The following REV1 variants were observed in gnomAD, a reference collection of about 807,000 sequenced individuals.
The protein encoded by REV1 is REV1 DNA directed polymerase, also known as translesion synthesis protein REV1.
REV1 carries 42 observed loss-of-function variants against 137.4 expected under a neutral mutation model. The observed-to-expected ratio is 0.31, with a 90% CI of 0.24 to 0.40. The LOEUF (loss-of-function observed/expected upper bound fraction) is 0.40. REV1 is among the 10% of genes least tolerant of loss of function. The probability of loss-of-function intolerance (pLI) is 1.00; values close to 1 mark genes in which losing one functional copy is unlikely to be tolerated. For synonymous variants in REV1, 524 were observed against 519.2 expected, an observed-to-expected ratio of 1.01 and a Z score of -0.12; for missense variants, 1,282 against 1,490.1, an observed-to-expected ratio of 0.86 and a Z score of 2.30.
chr2:99,434,423 G>A lies in REV1; in HGVS notation c.1347C>T (p.Asn449=). ...GTAAAGGTGCCCTTCCTGTGCCTCT[G>A]TTACTTGTAACAGCCACTGGTTTTC... is the stretch of plus-strand genomic sequence containing the variant. ...LKGKPVAVTS[N]RGTGRAPLRP... The change falls in exon 8 of 23, where the codon AAC becomes AAT. Residue 449 remains asparagine, a synonymous_variant. Coordinates refer to ENST00000258428, the MANE Select transcript of REV1 (RefSeq NM_016316.4). The A allele has an allele frequency of 6.2e-7, 1 of 1,601,598 alleles. No individual in the cohort carries two copies. The highest frequency in any genetic ancestry group is 8.5e-7 in the Non-Finnish European group (1 of 1,174,068).
intron 3 of REV1, among the ~76,000 whole-genome samples, chr2:99,452,789 G>C (rs1020491775): frequency 2.6e-5 from 4 of 152,168 alleles, no homozygotes; most frequent in African/African-American, 9.7e-5. Context: ...AGTACAAGTG[G>C]TATAAATACT....
Position 99,403,001 on chromosome 2 carries a change from T to C in REV1, c.3272A>G (p.Asn1091Ser). Residue 1091 changes from asparagine to serine, a missense_variant, in exon 20 of 23, where the codon AAT (asparagine) becomes AGT (serine). Physicochemically the swap from Asn to Ser is conservative, Grantham distance 46. This residue lies in a region of REV1 where 170 missense variants were observed against 156.8 expected (regional missense o/e 1.08). Transcript: ENST00000258428. ...GSPKRIQSPL[N>S]NKLLNSPAKT... ...TGCAGGACTGTTAAGCAGCTTGTTA[T>C]TCAAAGGACTCTGAATCCTTTTTGG... The C allele has an allele frequency of 6.2e-7, 1 of 1,614,174 alleles. No homozygotes were observed. The highest frequency in any genetic ancestry group is 8.5e-7 in the Non-Finnish European group (1 of 1,179,966).
At chr2:99,448,540 C>T (rs1420256076) in intron 4 of REV1, among the ~76,000 whole-genome samples, 1 of 152,184 alleles carries the variant, frequency 6.6e-6, no homozygotes. Context: ...TGCGACTGTA[C>T]TCCCTCCTTT....
intron 5 of REV1, 30 bp from the exon 6 acceptor site, chr2:99,439,340 A>G (rs755241916): frequency 1.3e-6 from 2 of 1,501,938 alleles, no homozygotes; most frequent in Admixed American, 1.8e-5. Flanking sequence ...TTGAGTTAAT[A>G]ATATCTGACT....
chr2:99,425,368 G>A (rs756263924), intron 9 of REV1, among the ~76,000 whole-genome samples: 8 of 152,116 alleles, frequency 5.3e-5, no homozygotes, highest in Non-Finnish European at 1.0e-4. Context: ...GTCCCTAGTA[G>A]ATAAGAAATA....
At chr2:99,459,625 G>C (rs1422027364) in intron 3 of REV1, among the ~76,000 whole-genome samples, 1 of 152,048 alleles carries the variant, frequency 6.6e-6, no homozygotes, top group Non-Finnish European at 1.5e-5. Flanking sequence ...AGGATGGCTT[G>C]AACCTGGGAT....
chr2:99,407,353 C>A (rs2104410587), intron 15 of REV1, among the ~76,000 whole-genome samples: 1 of 151,562 alleles, frequency 6.6e-6, no homozygotes, highest in South Asian at 2.1e-4. Flanking sequence ...GAGTTTGAAA[C>A]CAGCCTGGCC....
intron 22 of REV1, 82 bp from the exon 23 acceptor site, chr2:99,401,434 T>C: frequency 1.0e-6 from 1 of 954,976 alleles, no homozygotes; most frequent in South Asian, 1.8e-5. Context: ...ATATAAAAAT[T>C]GACTTTGGCA....
chr2:99,407,365 A>G (rs1676479588), intron 15 of REV1, among the ~76,000 whole-genome samples: 1 of 151,118 alleles, frequency 6.6e-6, no homozygotes, highest in Non-Finnish European at 1.5e-5. Context: ...AGCCTGGCCA[A>G]CATGGTGAAA....
chr2:99,435,364 T>C (rs1195132459), intron 7 of REV1: 1 of 152,452 alleles, frequency 6.6e-6, no homozygotes, highest in Non-Finnish European at 1.5e-5. Context: ...AGACAAAGAC[T>C]GTCCAGACGA....
At chr2:99,480,240 T>C (rs1686471853) in intron 1 of REV1, among the ~76,000 whole-genome samples, 1 of 152,120 alleles carries the variant, frequency 6.6e-6, no homozygotes, top group Non-Finnish European at 1.5e-5. Flanking sequence ...GGAGAACTGC[T>C]TGAGCCTGGG....
intron 14 of REV1, among the ~76,000 whole-genome samples, chr2:99,408,603 T>C (rs1204210642): frequency 6.6e-6 from 1 of 152,200 alleles, no homozygotes; most frequent in Non-Finnish European, 1.5e-5. Flanking sequence ...TCTCCTTTCA[T>C]TGTGTTTACA....
At chr2:99,450,186 T>C (rs1682760485) in intron 3 of REV1, among the ~76,000 whole-genome samples, 1 of 152,164 alleles carries the variant, frequency 6.6e-6, no homozygotes, top group Non-Finnish European at 1.5e-5. Context: ...TCAAATGATT[T>C]ATTCTTAATA....
intron 8 of REV1, among the ~76,000 whole-genome samples, chr2:99,432,521 A>G (rs1575082428): frequency 6.6e-6 from 1 of 152,216 alleles, no homozygotes; most frequent in East Asian, 1.9e-4. Flanking sequence ...CTTTATAATA[A>G]AGGATAATCT....
At chr2:99,413,644 C>T (rs747881478) in intron 12 of REV1, among the ~76,000 whole-genome samples, 1 of 152,094 alleles carries the variant, frequency 6.6e-6, no homozygotes, top group African/African-American at 2.4e-5. Flanking sequence ...CAAGATGTAA[C>T]GTTTGAGCCC....
chr2:99,414,069 C>T (rs1677532629), intron 12 of REV1, among the ~76,000 whole-genome samples: 1 of 152,134 alleles, frequency 6.6e-6, no homozygotes, highest in African/African-American at 2.4e-5. Context: ...TTGGAAAGAT[C>T]CCTTGAGCCC....
intron 1 of REV1, among the ~76,000 whole-genome samples, chr2:99,483,078 T>C (rs1356014287): frequency 6.6e-6 from 1 of 151,890 alleles, no homozygotes; most frequent in East Asian, 1.9e-4. Flanking sequence ...GAAGAAATTG[T>C]TAAAACATTT....
chr2:99,487,446 G>A (rs2104335325), intron 1 of REV1, among the ~76,000 whole-genome samples: 1 of 118,856 alleles, frequency 8.4e-6, no homozygotes. Flanking sequence ...CTCCAACCAA[G>A]AGATAATGGA....
Position 99,436,990 on chromosome 2 carries a change from G to GTT in REV1, c.1214-1051_1214-1050dup, listed in dbSNP as rs749608176. On this transcript the variant is annotated intron_variant, in intron 6 of 22. Coordinates refer to ENST00000258428, the MANE Select transcript of REV1 (RefSeq NM_016316.4). The stretch of plus-strand genomic sequence containing the variant: ...CTAATTCTCCCCCAACTTTTTTTTT[G>GTT]TTTTTTTTTTTTTTTTGAGATAGGG... Among the ~76,000 whole-genome samples the GTT allele has an allele frequency of 3.2e-3, 412 of 128,870 alleles. 4 individuals carry two copies. The highest frequency in any genetic ancestry group is 6.2e-3 in the African/African-American group (215 of 34,752). 84.5% of individuals were successfully genotyped at this position (128,870 alleles called of 152,430 possible). A position where few individuals can be genotyped will look rare whatever the true frequency, so the allele number is the denominator to read the frequency against.
Sources: gnomAD v4.1 joint callset for allele counts (sites outside exome capture counted in the v4.1 genomes callset) on GRCh38, gnomAD v4.1.1 for gene constraint, gnomAD v4.1.1 regional missense constraint, MANE v1.5 for transcripts, NCBI Gene and HGNC (gene_info 2026-07-23, HGNC 2026-07-21) for gene names.